Variants in NADSYN1 observed in about 807,000 individuals in gnomAD.
NADSYN1 encodes NAD synthetase 1.
Under a neutral mutation model 99.3 loss-of-function variants are expected in NADSYN1, and 80 were observed. The ratio of observed to expected loss-of-function variants is 0.81; its 90% CI spans 0.67 to 0.97. NADSYN1 has a LOEUF of 0.97. Among genes scored for constraint, NADSYN1 ranks in the 50% least tolerant of loss-of-function variants. NADSYN1 has a pLI of 0.00. For synonymous variants in NADSYN1, 385 were observed against 372.1 expected, an observed-to-expected ratio of 1.03 and a Z score of -0.40; for missense variants, 859 against 948.5, an observed-to-expected ratio of 0.91 and a Z score of 1.24.
intron 4 of NADSYN1, 122 bp from the exon 5 acceptor site, chr11:71,463,931 G>A (rs1356398766): frequency 2.2e-5 from 17 of 772,604 alleles, no homozygotes; most frequent in Admixed American, 1.4e-4. Flanking sequence ...AGATTTGCTC[G>A]GGGCCCCATT....
chr11:71,490,445 ATTC>A (rs1949770847), intron 16 of NADSYN1, among the ~76,000 whole-genome samples: 2 of 152,108 alleles, frequency 1.3e-5, no homozygotes, highest in Admixed American at 1.3e-4. Flanking sequence ...TGAGAGATGG[ATTC>A]TTCTGCCGAC....
chr11:71,473,451 C>T (rs1410601542), intron 7 of NADSYN1, 85 bp downstream of exon 7: 46 of 1,464,370 alleles, frequency 3.1e-5, no homozygotes, highest in East Asian at 1.1e-4. Flanking sequence ...GTCCTGGGGC[C>T]GTGGCCGTGG....
chr11:71,492,867 C>T (rs1425824965), intron 18 of NADSYN1, among the ~76,000 whole-genome samples: 1 of 150,876 alleles, frequency 6.6e-6, no homozygotes, highest in Non-Finnish European at 1.5e-5. Context: ...GAATGTCTTA[C>T]TTATTTAAGT....
chr11:71,482,816 G>A, intron 13 of NADSYN1, 33 bp from the exon 14 acceptor site: 1 of 1,609,124 alleles, frequency 6.2e-7, no homozygotes, highest in Non-Finnish European at 8.5e-7. Flanking sequence ...ACACTCAGGT[G>A]ACTTCCACCC....
Position 71,461,676 on chromosome 11 carries a change from C to T in NADSYN1, c.264-1756C>T, listed in dbSNP as rs148935700. Reference sequence around the variant, plus strand: ...ACTCCTGACCTTGTGATCCGCCTGCCTCAGCCTCCCAAAGTGCTGGGATTA... The same window carrying T: ...ACTCCTGACCTTGTGATCCGCCTGCTTCAGCCTCCCAAAGTGCTGGGATTA... On this transcript the variant is annotated intron_variant, in intron 3 of 20. Transcript: ENST00000319023. 6.0e-3 allele frequency among the ~76,000 whole-genome samples: 919 copies of T among 152,328 alleles called. 9 individuals are homozygous for T. The highest frequency in any genetic ancestry group is 0.021 in the African/African-American group (885 of 41,564).
At chr11:71,500,955 G>T (rs924536913) in intron 20 of NADSYN1, among the ~76,000 whole-genome samples, 4 of 152,176 alleles carry the variant, frequency 2.6e-5, no homozygotes, top group Non-Finnish European at 4.4e-5. Context: ...CCTCTGTAGT[G>T]GGAGGTGGGG....
At chr11:71,481,880 T>C in intron 12 of NADSYN1, 43 bp from the exon 13 acceptor site, 1 of 1,569,194 alleles carries the variant, frequency 6.4e-7, no homozygotes, top group Non-Finnish European at 8.7e-7. Flanking sequence ...GGCATGCTGC[T>C]TCTCCGAGGC....
At chr11:71,460,552 G>A (rs972045259) in intron 3 of NADSYN1, among the ~76,000 whole-genome samples, 2 of 152,200 alleles carry the variant, frequency 1.3e-5, no homozygotes, top group South Asian at 2.1e-4. Context: ...ACAGGGTCTC[G>A]CTATGTTGCC....
rs1949763567 is a variant in NADSYN1, at chr11:71,489,237, G to A, written c.1563-1608G>A. Among the ~76,000 whole-genome samples the A allele has an allele frequency of 2.6e-5, 4 of 152,276 alleles. No homozygotes were observed. In the South Asian group the frequency reaches 8.3e-4, roughly 32 times the overall value. ...GTGCGAGAGGAGGGGACAGCTGCTG[G>A]AACTCGGTGGTCCTGTATTGAAATT... On this transcript the variant is annotated intron_variant, in intron 16 of 20. Transcript: ENST00000319023.
At chr11:71,467,158 G>T (rs1210334245) in intron 5 of NADSYN1, among the ~76,000 whole-genome samples, 1 of 152,186 alleles carries the variant, frequency 6.6e-6, no homozygotes, top group African/African-American at 2.4e-5. Flanking sequence ...CAGCCTTTGT[G>T]CTGGAAACCT....
In NADSYN1 at chr11:71,474,439, G is replaced by T. The variant is rs776049564; in HGVS notation, c.711G>T (p.Gly237=). The change falls in exon 9 of 21, where the codon GGG becomes GGT. Residue 237 remains glycine (G), a synonymous_variant. Transcript: ENST00000319023. ...TGGCCAACCAGAAGGGTTGTGACGG[G>T]GACCGCCTGTACTACGACGGCTGTG... ...YLLANQKGCD[G]DRLYYDGCAM... is the part of the protein sequence containing the mutation. 1 of 1,614,190 alleles carries T rather than the reference G, an allele frequency of 6.2e-7. No homozygotes were observed. The highest frequency in any genetic ancestry group is 1.1e-5 in the South Asian group (1 of 91,076).
chr11:71,476,725 G>C (rs367907080), intron 9 of NADSYN1: 1 of 720,226 alleles, frequency 1.4e-6, no homozygotes, highest in Non-Finnish European at 1.7e-6. Flanking sequence ...CCCCGTTCAC[G>C]TCAGAGCCAC....
At chr11:71,475,885 T>C (rs1949662219) in intron 9 of NADSYN1, 1 of 369,582 alleles carries the variant, frequency 2.7e-6, no homozygotes, top group Non-Finnish European at 5.3e-6. Context: ...AATTTTTTTG[T>C]ATTTACTTAG....
chr11:71,500,944 G>A (rs1490417778), intron 20 of NADSYN1, among the ~76,000 whole-genome samples: 1 of 152,180 alleles, frequency 6.6e-6, no homozygotes, highest in Non-Finnish European at 1.5e-5. Flanking sequence ...CCCAGCTCTG[G>A]CCTCTGTAGT....
In NADSYN1 at chr11:71,490,892, A is replaced by T; in HGVS notation, c.1610A>T (p.Asn537Ile). Residue 537 changes from asparagine (N) to isoleucine (I), a missense_variant, in exon 17 of 21, where the codon AAC becomes ATC. Transcript: ENST00000319023. ...TKYDCSSADI[N>I]PIGGISKTDL... ...TACGACTGCTCCAGTGCGGACATCA[A>T]CCCCATAGGCGGGATCAGCAAGACG... 6.2e-7 allele frequency: 1 copy of T among 1,613,982 alleles called. No homozygotes were observed. The highest frequency in any genetic ancestry group is 8.5e-7 in the Non-Finnish European group (1 of 1,179,968).
Position 71,484,292 on chromosome 11 carries a change from G to C in NADSYN1, c.1320-20G>C. The C allele has an allele frequency of 6.2e-7, 1 of 1,610,370 alleles. No homozygotes were observed. Among genetic ancestry groups the C allele is most frequent in the Non-Finnish European group, 8.5e-7 (1 of 1,176,988 alleles). On this transcript the variant is annotated intron_variant, in intron 14 of 20. Coordinates refer to ENST00000319023, the MANE Select transcript of NADSYN1 (RefSeq NM_018161.5). ...CACACGTGCACATGCTGCCTTCAAC[G>C]CCTATCCTTCTCCTTCCAGCCACCA...
chr11:71,501,343 C>T lies in NADSYN1; in HGVS notation c.2112C>T (p.Gly704=), dbSNP rs1420762639. 1.0e-5 allele frequency: 16 copies of T among 1,606,580 alleles called. No individual in the cohort carries two copies. The highest frequency in any genetic ancestry group is 4.5e-5 in the South Asian group (4 of 89,242). The part of the protein sequence containing the change: ...LERAEPQSLD[G]VD Reference sequence around the variant, plus strand: ...GGGCAGAGCCACAGTCCCTGGACGGCGTGGACTGAGGCCGGTTCCTTCCTG... The same window carrying T: ...GGGCAGAGCCACAGTCCCTGGACGGTGTGGACTGAGGCCGGTTCCTTCCTG... Residue 704 remains glycine, a synonymous_variant, in exon 21 of 21, where the codon GGC becomes GGT. Transcript: ENST00000319023.
intron 10 of NADSYN1, among the ~76,000 whole-genome samples, chr11:71,480,463 C>T (rs367609386): frequency 2.6e-5 from 4 of 152,166 alleles, no homozygotes; most frequent in Admixed American, 1.3e-4. Context: ...TGTGAGCCAC[C>T]GTGCCTGGCT....
chr11:71,491,869 C>T lies in NADSYN1; in HGVS notation c.1730C>T (p.Pro577Leu). 6.2e-7 allele frequency: 1 copy of T among 1,614,096 alleles called. No individual in the cohort carries two copies. Among genetic ancestry groups the T allele is most frequent in the Non-Finnish European group, 8.5e-7 (1 of 1,180,028 alleles). Reference protein sequence around the residue: ...LLAPATAELEPLADGQVSQTD... With the variant: ...LLAPATAELELLADGQVSQTD... ...GCGCCGGCCACCGCAGAGCTGGAGC[C>T]CTTGGCTGATGGACAGGTGTCCCAG... Residue 577 changes from proline to leucine, a missense_variant, in exon 18 of 21, where the codon CCC (proline) becomes CTC (leucine). Physicochemically the swap from Pro to Leu is moderately conservative, Grantham distance 98. Transcript: ENST00000319023.
Sources: gnomAD v4.1 joint callset for allele counts (sites outside exome capture counted in the v4.1 genomes callset) on GRCh38, gnomAD v4.1.1 for gene constraint, MANE v1.5 for transcripts, NCBI Gene and HGNC (gene_info 2026-07-23, HGNC 2026-07-21) for gene names.